Variants in RAB7A observed in about 807,000 individuals in gnomAD.
RAB7A encodes the protein RAB7A, member RAS oncogene family.
In RAB7A, 2 loss-of-function variants were observed where a neutral mutation model predicts 24.5. The ratio of observed to expected loss-of-function variants is 0.08; its 90% CI spans 0.03 to 0.26. The LOEUF (loss-of-function observed/expected upper bound fraction) is 0.26. Among genes scored for constraint, RAB7A ranks in the 10% least tolerant of loss-of-function variants. The pLI, the probability that RAB7A is intolerant of heterozygous loss-of-function variation, is 1.00. For synonymous variants in RAB7A, 100 were observed against 95.9 expected, an observed-to-expected ratio of 1.04 and a Z score of -0.25; for missense variants, 118 against 255.7, an observed-to-expected ratio of 0.46 and a Z score of 3.67.
chr3:128,811,492 C>T (rs2107617726), intron 5 of RAB7A, among the ~76,000 whole-genome samples: 1 of 152,288 alleles, frequency 6.6e-6, no homozygotes, highest in Admixed American at 6.5e-5. Context: ...CACATGCTGC[C>T]ACATGGGTGC....
intron 1 of RAB7A, among the ~76,000 whole-genome samples, chr3:128,765,291 T>C (rs1483542129): frequency 6.6e-6 from 1 of 152,204 alleles, no homozygotes; most frequent in Non-Finnish European, 1.5e-5. Context: ...ACCTCTCCTC[T>C]GCTAGCGATA....
chr3:128,740,867 C>G (rs1311684955), intron 1 of RAB7A, among the ~76,000 whole-genome samples: 1 of 127,240 alleles, frequency 7.9e-6, no homozygotes, highest in Non-Finnish European at 1.6e-5. Flanking sequence ...TTCCACTGTA[C>G]TCCAGCCTAG....
chr3:128,811,804 A>T (rs1469809174), intron 5 of RAB7A, among the ~76,000 whole-genome samples: 1 of 151,834 alleles, frequency 6.6e-6, no homozygotes, highest in Non-Finnish European at 1.5e-5. Flanking sequence ...AGCTGTGATC[A>T]TGCCATTGCA....
At chr3:128,783,480 G>A (rs1933265580) in intron 1 of RAB7A, among the ~76,000 whole-genome samples, 1 of 152,030 alleles carries the variant, frequency 6.6e-6, no homozygotes, top group Non-Finnish European at 1.5e-5. Context: ...CCTGTGGGAG[G>A]AATGGCAAGC....
At chr3:128,761,690 C>T (rs867945780) in intron 1 of RAB7A, among the ~76,000 whole-genome samples, 6 of 152,202 alleles carry the variant, frequency 3.9e-5, no homozygotes, top group Non-Finnish European at 7.4e-5. Flanking sequence ...GAAAAAGGCA[C>T]CTCTCCTCTA....
intron 3 of RAB7A, among the ~76,000 whole-genome samples, chr3:128,802,127 G>T (rs1933710552): frequency 6.6e-6 from 1 of 152,204 alleles, no homozygotes; most frequent in African/African-American, 2.4e-5. Context: ...TCTGAAGGAA[G>T]AACACTTCAA....
At chr3:128,737,094 G>T (rs2070496759) in intron 1 of RAB7A, among the ~76,000 whole-genome samples, 1 of 151,960 alleles carries the variant, frequency 6.6e-6, no homozygotes, top group African/African-American at 2.4e-5. Flanking sequence ...CTGGAGTGCA[G>T]TGGCGCGATC....
At chr3:128,787,059 G>A (rs180895570) in intron 1 of RAB7A, among the ~76,000 whole-genome samples, 33 of 152,308 alleles carry the variant, frequency 2.2e-4, no homozygotes, top group Admixed American at 2.0e-3. Flanking sequence ...GATTGCTTCT[G>A]GGAGATGGAA....
chr3:128,729,650 A>G lies in RAB7A; in HGVS notation c.-9+3291A>G, dbSNP rs1188188704. ...CTTACTTTGGCATTAGACTTTGTAA[A>G]CAAAGATGTAGCAAACACAGACCAC... On this transcript the variant is annotated intron_variant, in intron 1 of 5. Transcript: ENST00000265062. Among the ~76,000 whole-genome samples the G allele has an allele frequency of 2.6e-5, 4 of 152,324 alleles. No homozygotes were observed. In the East Asian group the frequency reaches 7.7e-4, roughly 29 times the overall value.
chr3:128,753,982 A>G (rs897041480), intron 1 of RAB7A, among the ~76,000 whole-genome samples: 2 of 152,104 alleles, frequency 1.3e-5, no homozygotes, highest in Non-Finnish European at 1.5e-5. Flanking sequence ...TTGGAGGAAC[A>G]CAAACACTAA....
At chr3:128,798,300 CT>C (rs1933617474) in intron 3 of RAB7A, 8 of 456,794 alleles carry the variant, frequency 1.8e-5, no homozygotes. Flanking sequence ...AAAAATTCTT[CT>C]TAAAAAAAAA....
intron 1 of RAB7A, among the ~76,000 whole-genome samples, chr3:128,782,787 A>T (rs1392228141): frequency 6.6e-6 from 1 of 152,116 alleles, no homozygotes; most frequent in Non-Finnish European, 1.5e-5. Context: ...GTCACCAAGC[A>T]TGAGGAAGTA....
At chr3:128,804,735 T>C (rs928051228) in intron 3 of RAB7A, among the ~76,000 whole-genome samples, 1 of 152,234 alleles carries the variant, frequency 6.6e-6, no homozygotes, top group Non-Finnish European at 1.5e-5. Flanking sequence ...AGAGTTCTTA[T>C]GTAATTTTGC....
chr3:128,771,611 T>C (rs1932936296), intron 1 of RAB7A, among the ~76,000 whole-genome samples: 1 of 152,238 alleles, frequency 6.6e-6, no homozygotes, highest in African/African-American at 2.4e-5. Context: ...ATCCACCTTT[T>C]ACAGATTTAG....
intron 1 of RAB7A, among the ~76,000 whole-genome samples, chr3:128,758,101 T>TAA (rs2070744791): frequency 6.6e-6 from 1 of 152,064 alleles, no homozygotes. Flanking sequence ...TCACTGGGAT[T>TAA]ACAGGTGTGA....
intron 3 of RAB7A, among the ~76,000 whole-genome samples, chr3:128,800,963 G>C (rs868193596): frequency 5.3e-5 from 8 of 152,168 alleles, no homozygotes; most frequent in African/African-American, 1.9e-4. Flanking sequence ...GCACAAAGGC[G>C]TCATTATCCT....
At chr3:128,744,550 C>T (rs2070589922) in intron 1 of RAB7A, among the ~76,000 whole-genome samples, 1 of 152,316 alleles carries the variant, frequency 6.6e-6, no homozygotes, top group East Asian at 1.9e-4. Flanking sequence ...CTTCATTATC[C>T]AGTTGGGAAC....
chr3:128,749,324 A>G (rs1023257201), intron 1 of RAB7A: 1 of 152,302 alleles, frequency 6.6e-6, no homozygotes, highest in South Asian at 2.1e-4. Flanking sequence ...GACCTTCATT[A>G]TACTGAATAT....
At chr3:128,793,452 C>A (rs7652168) in intron 1 of RAB7A, among the ~76,000 whole-genome samples, 32,809 of 147,832 alleles carry the variant, frequency 0.22, 5,055 homozygotes, top group African/African-American at 0.44. Context: ...CCGTGCCCAG[C>A]CTTTTCTATT....
Sources: gnomAD v4.1 joint callset for allele counts (sites outside exome capture counted in the v4.1 genomes callset) on GRCh38, gnomAD v4.1.1 for gene constraint, MANE v1.5 for transcripts, NCBI Gene and HGNC (gene_info 2026-07-23, HGNC 2026-07-21) for gene names.